KIAA1217: variants seen among roughly 807,000 people sequenced by gnomAD.
The protein encoded by KIAA1217 is KIAA1217.
Under a neutral mutation model 163.9 loss-of-function variants are expected in KIAA1217, and 88 were observed. That is an observed-to-expected ratio of 0.54 (90% CI 0.45 to 0.64). The LOEUF (loss-of-function observed/expected upper bound fraction) is 0.64, where lower values mean the gene tolerates loss of function less well. Among genes scored for constraint, KIAA1217 ranks in the 30% least tolerant of loss-of-function variants. KIAA1217 has a pLI of 0.00. For synonymous variants in KIAA1217, 903 were observed against 923.1 expected (o/e 0.98, Z 0.39); for missense variants, 2,372 against 2,475.0 (o/e 0.96, Z 0.88).
intron 2 of KIAA1217, among the ~76,000 whole-genome samples, chr10:24,269,053 C>G (rs1310830715): frequency 2.0e-5 from 2 of 100,096 alleles, no homozygotes; most frequent in Non-Finnish European, 3.8e-5. Context: ...ACTCTGGGGA[C>G]TGTGGTGGGG....
intron 2 of KIAA1217, among the ~76,000 whole-genome samples, chr10:24,248,393 G>A (rs1590207467): frequency 6.6e-6 from 1 of 152,086 alleles, no homozygotes; most frequent in African/African-American, 2.4e-5. Flanking sequence ...CCTTTAGGCC[G>A]GGCGCAGTGG....
chr10:24,148,338 TA>T (rs1244053459), intron 2 of KIAA1217, among the ~76,000 whole-genome samples: 6 of 151,150 alleles, frequency 4.0e-5, no homozygotes, highest in South Asian at 4.2e-4. Context: ...TTTGTAAAGC[TA>T]AAAAAAAACC....
chr10:24,271,882 T>C (rs2076804060), intron 2 of KIAA1217, among the ~76,000 whole-genome samples: 1 of 152,122 alleles, frequency 6.6e-6, no homozygotes, highest in African/African-American at 2.4e-5. Flanking sequence ...AAAATTGTTT[T>C]ATTCAAAAGT....
At chr10:23,860,914 TTTTTC>T (rs1564485871) in intron 1 of KIAA1217, among the ~76,000 whole-genome samples, 1 of 151,952 alleles carries the variant, frequency 6.6e-6, no homozygotes, top group Non-Finnish European at 1.5e-5. Context: ...TTCTTTTATT[TTTTTC>T]TTTTCTTTTT....
chr10:23,819,350 A>G (rs758762531), intron 1 of KIAA1217, among the ~76,000 whole-genome samples: 9 of 152,120 alleles, frequency 5.9e-5, no homozygotes, highest in East Asian at 1.9e-4. Flanking sequence ...CCCTTTCTCT[A>G]CCTCTTCTCC....
intron 1 of KIAA1217, among the ~76,000 whole-genome samples, chr10:24,001,995 C>T (rs1033420548): frequency 2.6e-5 from 4 of 152,082 alleles, no homozygotes; most frequent in African/African-American, 9.7e-5. Flanking sequence ...GAATAAGCAA[C>T]TGCCAGTAGT....
At chr10:24,340,777 T>C (rs1324331650) in intron 2 of KIAA1217, among the ~76,000 whole-genome samples, 1 of 152,192 alleles carries the variant, frequency 6.6e-6, no homozygotes, top group Non-Finnish European at 1.5e-5. Flanking sequence ...TGTAATTGAC[T>C]GCCCCACGTT....
At chr10:24,159,017 T>G (rs2065002350) in intron 2 of KIAA1217, among the ~76,000 whole-genome samples, 1 of 152,238 alleles carries the variant, frequency 6.6e-6, no homozygotes. Context: ...ATTTTGTGCT[T>G]TCTGTAACAG....
intron 2 of KIAA1217, chr10:24,239,021 G>A (rs1428943558): frequency 3.7e-6 from 1 of 268,890 alleles, no homozygotes; most frequent in Non-Finnish European, 5.7e-6. Flanking sequence ...GTCTTCGCCT[G>A]ACAGGTAATG....
At chr10:23,743,801 T>A (rs1839251909) in intron 1 of KIAA1217, among the ~76,000 whole-genome samples, 1 of 152,190 alleles carries the variant, frequency 6.6e-6, no homozygotes, top group Admixed American at 6.5e-5. Context: ...TTGCACTGTC[T>A]CATAGTTTTA....
chr10:24,095,855 C>T (rs569786520), intron 2 of KIAA1217, among the ~76,000 whole-genome samples: 209 of 152,308 alleles, frequency 1.4e-3, no homozygotes, highest in Non-Finnish European at 2.2e-3. Context: ...CCAATAATCC[C>T]GGCACTTTGG....
At chr10:23,838,680 C>T (rs942106844) in intron 1 of KIAA1217, among the ~76,000 whole-genome samples, 12 of 152,106 alleles carry the variant, frequency 7.9e-5, no homozygotes, top group East Asian at 3.9e-4. Context: ...AGGCTGGTTT[C>T]GAACTCCTGA....
At chr10:24,495,223 G>A (rs915557450) in intron 8 of KIAA1217, 27 bp downstream of exon 8, 1 of 1,600,900 alleles carries the variant, frequency 6.2e-7, no homozygotes, top group Non-Finnish European at 8.5e-7. Context: ...GGAGCTGTAG[G>A]AGGCCTGTGG....
At chr10:23,731,341 A>G (rs534180551) in intron 1 of KIAA1217, among the ~76,000 whole-genome samples, 1 of 152,334 alleles carries the variant, frequency 6.6e-6, no homozygotes, top group Non-Finnish European at 1.5e-5. Context: ...GGTCCCCTGT[A>G]CAAAAAACAG....
intron 2 of KIAA1217, among the ~76,000 whole-genome samples, chr10:24,296,898 G>T (rs988816714): frequency 6.6e-6 from 1 of 152,144 alleles, no homozygotes; most frequent in Non-Finnish European, 1.5e-5. Context: ...AATCTTATCA[G>T]CTGTGATCTT....
chr10:24,005,542 A>AT (rs1846955523), intron 1 of KIAA1217, among the ~76,000 whole-genome samples: 1 of 152,182 alleles, frequency 6.6e-6, no homozygotes, highest in Non-Finnish European at 1.5e-5. Context: ...ACCTGGGTTC[A>AT]AATCCTGAGT....
chr10:24,314,060 G>A (rs1196866268), intron 2 of KIAA1217, among the ~76,000 whole-genome samples: 2 of 151,862 alleles, frequency 1.3e-5, no homozygotes, highest in East Asian at 3.9e-4. Flanking sequence ...GGTTGGTCTT[G>A]AACTCCTGAC....
At chr10:23,870,056 A>G (rs1433877723) in intron 1 of KIAA1217, among the ~76,000 whole-genome samples, 1 of 152,164 alleles carries the variant, frequency 6.6e-6, no homozygotes, top group African/African-American at 2.4e-5. Context: ...TAATACGTGA[A>G]CATGAAATGT....
intron 1 of KIAA1217, among the ~76,000 whole-genome samples, chr10:23,907,289 G>GA (rs759079080): frequency 0.017 from 2,561 of 148,336 alleles, 43 homozygotes; most frequent in Admixed American, 0.051. Context: ...GAACCAATAT[G>GA]ATTTGTGTGT....
Sources: gnomAD v4.1 joint callset for allele counts (sites outside exome capture counted in the v4.1 genomes callset) on GRCh38, gnomAD v4.1.1 for gene constraint, MANE v1.5 for transcripts, NCBI Gene and HGNC (gene_info 2026-07-23, HGNC 2026-07-21) for gene names.